Variants in RFPL4A observed in about 807,000 individuals in gnomAD.
The protein encoded by RFPL4A is ret finger protein like 4A, also known as ret finger protein-like 4A.
Under a neutral mutation model 8.3 loss-of-function variants are expected in RFPL4A, and 4 were observed. The observed-to-expected ratio is 0.48, with a 90% CI of 0.24 to 1.10. RFPL4A has a LOEUF of 1.10. Among genes scored for constraint, RFPL4A ranks in the 50% least tolerant of loss-of-function variants. The pLI is 0.18. For synonymous variants in RFPL4A, 43 were observed against 136.6 expected (o/e 0.31, Z 4.78); for missense variants, 111 against 358.7 (o/e 0.31, Z 5.58).
intron 2 of RFPL4A, among the ~76,000 whole-genome samples, chr19:55,762,386 G>A (rs1989303954): frequency 1.3e-5 from 2 of 151,274 alleles, no homozygotes; most frequent in African/African-American, 4.9e-5. Context: ...ATATGAATAA[G>A]GTGGACTTGT....
At chr19:55,761,476 C>T (rs1989281017) in intron 1 of RFPL4A, among the ~76,000 whole-genome samples, 1 of 140,548 alleles carries the variant, frequency 7.1e-6, no homozygotes, top group Admixed American at 6.9e-5. Context: ...AGATACACCC[C>T]ATTTCAGGTC....
intron 1 of RFPL4A, among the ~76,000 whole-genome samples, chr19:55,761,195 G>T (rs547413074): frequency 7.2e-6 from 1 of 138,748 alleles, no homozygotes; most frequent in East Asian, 2.0e-4. Flanking sequence ...ACCACATGCA[G>T]TTTGCACAGT....
upstream of RFPL4A, chr19:55,758,889 T>C (rs1352401612): frequency 1.3e-5 from 2 of 150,818 alleles, no homozygotes; most frequent in African/African-American, 4.9e-5. Context: ...ATATTCAAGA[T>C]CTTATCTAAA....
intron 2 of RFPL4A, among the ~76,000 whole-genome samples, chr19:55,762,345 A>G: frequency 6.6e-6 from 1 of 150,784 alleles, no homozygotes; most frequent in African/African-American, 2.5e-5. Context: ...TCATCAAATT[A>G]TCCACTAACT....
upstream of RFPL4A, among the ~76,000 whole-genome samples, chr19:55,758,175 T>C (rs1345711638): frequency 6.6e-6 from 1 of 152,242 alleles, no homozygotes; most frequent in Admixed American, 6.5e-5. Context: ...GGATTTCATC[T>C]AATATATGCA....
chr19:55,760,953 A>T lies in RFPL4A; in HGVS notation c.-9-839A>T, dbSNP rs1989268553. The stretch of plus-strand genomic sequence containing the variant: ...GAAATATCTATTCAGGATTCTGCCC[A>T]TTGGAATTTGGATTATTTTGGCTTT... On this transcript the variant is annotated intron_variant, in intron 1 of 2. Transcript: ENST00000434937. Among the ~76,000 whole-genome samples the T allele has an allele frequency of 2.0e-5, 3 of 150,158 alleles. No homozygotes were observed. The South Asian group carries it at 6.4e-4, about 32-fold the overall frequency.
chr19:55,763,166 G>A lies in RFPL4A; in HGVS notation c.855G>A (p.Glu285=), dbSNP rs1192710239. The change falls in exon 3 of 3, where the codon GAG becomes GAA. Residue 285 remains glutamate (E), a synonymous_variant. Transcript: ENST00000434937. ...PSAASAPVSS[E]GK is the part of the protein sequence containing the mutation. Reference sequence around the variant, plus strand: ...CTGCCAGTGCCCCAGTTTCTTCTGAGGGAAAGTAAATAAACATTTGAACAT... The same window carrying A: ...CTGCCAGTGCCCCAGTTTCTTCTGAAGGAAAGTAAATAAACATTTGAACAT... 3.3e-6 allele frequency: 5 copies of A among 1,536,128 alleles called. No individual in the cohort carries two copies. Among genetic ancestry groups the A allele is most frequent in the South Asian group, 1.2e-5 (1 of 83,470 alleles).
chr19:55,761,425 C>G lies in RFPL4A; in HGVS notation c.-9-367C>G, dbSNP rs1377187206. Among the ~76,000 whole-genome samples, 3 of 137,710 alleles carry G rather than the reference C, an allele frequency of 2.2e-5. No individual in the cohort carries two copies. The East Asian group carries it at 6.0e-4, about 28-fold the overall frequency. 90.3% of individuals were successfully genotyped at this position (137,710 alleles called of 152,430 possible). ...CGTTCTCTTTTCCCCATTATGTCTT[C>G]AAAAATAAGAGCGTATTTGGCTCAC... On this transcript the variant is annotated intron_variant, in intron 1 of 2. Transcript: ENST00000434937.
At chr19:55,757,881 G>A (rs549324023), upstream of RFPL4A, among the ~76,000 whole-genome samples, 144 of 151,850 alleles carry the variant, frequency 9.5e-4, no homozygotes, top group South Asian at 0.03. Flanking sequence ...CAGAAATTTC[G>A]TTCAAGCTTT....
rs1481926042 is a variant in RFPL4A, at chr19:55,761,725, C to A, written c.-9-67C>A. 13 of 1,460,964 alleles carry A rather than the reference C, an allele frequency of 8.9e-6. No homozygotes were observed. In the African/African-American group the frequency reaches 1.2e-4, roughly 14 times the overall value. 90.5% of individuals were successfully genotyped at this position (1,460,964 alleles called of 1,614,324 possible). A position where few individuals can be genotyped will look rare whatever the true frequency, so the allele number is the denominator to read the frequency against. On this transcript the variant is annotated intron_variant, in intron 1 of 2. Transcript: ENST00000434937. ...CTCCATGCATGTAAAGATAAAAGCC[C>A]CAAACACTATCAGCTGTTCATTCAG...
chr19:55,760,904 G>A (rs576707084), intron 1 of RFPL4A, among the ~76,000 whole-genome samples: 2 of 151,276 alleles, frequency 1.3e-5, no homozygotes, highest in South Asian at 2.1e-4. Flanking sequence ...AGTACTTGCT[G>A]GTCGTTGGTG....
At chr19:55,758,320 A>G (rs1454366538), upstream of RFPL4A, among the ~76,000 whole-genome samples, 1 of 152,302 alleles carries the variant, frequency 6.6e-6, no homozygotes, top group Non-Finnish European at 1.5e-5. Flanking sequence ...TGATTAAATT[A>G]AAGACTATTA....
At position 55,763,328 on chromosome 19, in the gene RFPL4A, A is replaced by T. The variant is rs200105478; in HGVS notation, c.*153A>T. 2.5e-4 allele frequency among the ~76,000 whole-genome samples: 38 copies of T among 149,418 alleles called. No homozygotes were observed. The East Asian group carries it at 7.4e-3, about 29-fold the overall frequency. On this transcript the variant is annotated 3_prime_UTR_variant, in exon 3 of 3. Coordinates refer to ENST00000434937, the MANE Select transcript of RFPL4A (RefSeq NM_001145014.2). ...TGAACAGAAAGCAATTATATTAATG[A>T]GGGGAAAATTACATTGTACTTAAAG...
At chr19:55,758,094 T>A (rs528112731), upstream of RFPL4A, among the ~76,000 whole-genome samples, 1 of 152,288 alleles carries the variant, frequency 6.6e-6, no homozygotes, top group South Asian at 2.1e-4. Flanking sequence ...ATACGGTATG[T>A]GTGTATACAT....
At chr19:55,760,765 C>T (rs927987568) in intron 1 of RFPL4A, among the ~76,000 whole-genome samples, 1 of 151,528 alleles carries the variant, frequency 6.6e-6, no homozygotes, top group Admixed American at 6.6e-5. Context: ...CTAATTTTAA[C>T]AGCCACTGTT....
rs542800304 is a variant in RFPL4A at position 55,759,116 on chromosome 19, C to G, written c.-69C>G. ...AAGCCCCTGGCAGGCAGCTCTCACT[C>G]CAGATCTGAGCTGTCCGCAGAAGCA... On this transcript the variant is annotated 5_prime_UTR_variant, in exon 1 of 3. Transcript: ENST00000434937. 2 of 148,524 alleles carry G rather than the reference C, an allele frequency of 1.3e-5. No homozygotes were observed. Among genetic ancestry groups the G allele is most frequent in the East Asian group, 1.9e-4 (1 of 5,180 alleles). 9.2% of individuals were successfully genotyped at this position (148,524 alleles called of 1,614,324 possible). A position where few individuals can be genotyped will look rare whatever the true frequency, so the allele number is the denominator to read the frequency against.
chr19:55,757,384 A>G (rs1484767181), upstream of RFPL4A, among the ~76,000 whole-genome samples: 3 of 152,054 alleles, frequency 2.0e-5, no homozygotes, highest in Admixed American at 6.6e-5. Flanking sequence ...TAAAAAAAAA[A>G]AGAAAAGTTT....
At chr19:55,762,260 A>T (rs1237988739) in intron 2 of RFPL4A, among the ~76,000 whole-genome samples, 174 bp downstream of exon 2, 4 of 150,632 alleles carry the variant, frequency 2.7e-5, no homozygotes, top group Non-Finnish European at 5.9e-5. Flanking sequence ...AATCTGTGCA[A>T]GTTTGTAGAA....
At chr19:55,758,461 T>A (rs544738539), upstream of RFPL4A, among the ~76,000 whole-genome samples, 27 of 152,076 alleles carry the variant, frequency 1.8e-4, no homozygotes, top group South Asian at 2.7e-3. Flanking sequence ...TGAACATTTT[T>A]AAAGAGGAAA....
Sources: allele counts gnomAD v4.1 joint callset (sites outside exome capture counted in the v4.1 genomes callset), GRCh38; gene constraint gnomAD v4.1.1; transcripts MANE v1.5; gene names NCBI Gene and HGNC (gene_info 2026-07-23, HGNC 2026-07-21).